The following ACBD6 variants were observed in gnomAD, a reference collection of about 807,000 sequenced individuals.
ACBD6 encodes acyl-CoA binding domain containing 6.
In ACBD6, 28 loss-of-function variants were observed where a neutral mutation model predicts 37.2. The ratio of observed to expected loss-of-function variants is 0.75; its 90% CI spans 0.56 to 1.03. The LOEUF is 1.03. Ranked by LOEUF, ACBD6 falls within the 50% of genes least tolerant of loss-of-function variation. The pLI is 0.00. For missense variants in ACBD6, 340 were observed against 337.4 expected, an observed-to-expected ratio of 1.01 and a Z score of -0.06; for synonymous variants, 113 against 126.8, an observed-to-expected ratio of 0.89 and a Z score of 0.73.
At chr1:180,386,801 G>GT (rs1195318818) in intron 6 of ACBD6, among the ~76,000 whole-genome samples, 8 of 146,956 alleles carry the variant, frequency 5.4e-5, no homozygotes, top group Admixed American at 2.1e-4. Context: ...GAGATTTTCT[G>GT]TTTTTTCCAC....
chr1:180,386,682 T>G (rs1338808251), intron 6 of ACBD6, among the ~76,000 whole-genome samples: 1 of 152,146 alleles, frequency 6.6e-6, no homozygotes, highest in East Asian at 1.9e-4. Flanking sequence ...GATCTTTTTA[T>G]CATTTCCATC....
chr1:180,447,309 AAT>A (rs1322684833), intron 3 of ACBD6, among the ~76,000 whole-genome samples: 28 of 152,316 alleles, frequency 1.8e-4, no homozygotes, highest in African/African-American at 6.5e-4. Context: ...ACACCACAGA[AAT>A]ATGAGATAAT....
chr1:180,471,293 C>T (rs1226901188), intron 3 of ACBD6, among the ~76,000 whole-genome samples: 1 of 150,976 alleles, frequency 6.6e-6, no homozygotes, highest in East Asian at 1.9e-4. Flanking sequence ...ACCAGCTACT[C>T]GAGAAGCTGA....
Position 180,502,432 on chromosome 1 carries a change from C to T in ACBD6, c.-166G>A, listed in dbSNP as rs1652025823. ...CTCACGTGACCCTGCTCCCTGCCCA[C>T]TTCTACTCCCTGGGCGTGCAGAGCA... On this transcript the variant is annotated 5_prime_UTR_variant, in exon 1 of 8. The change creates a new upstream start codon in the 5' untranslated region. Transcript: ENST00000367595. The T allele has an allele frequency of 4.1e-6, 3 of 732,360 alleles. No homozygotes were observed. The highest frequency in any genetic ancestry group is 4.8e-6 in the Non-Finnish European group (2 of 420,356). The allele number at this position is 732,360 out of a possible 1,614,324, so 45.4% of individuals were successfully genotyped here. A position where few individuals can be genotyped will look rare whatever the true frequency, so the allele number is the denominator to read the frequency against.
At position 180,415,225 on chromosome 1, in the gene ACBD6, C is replaced by T. The variant is rs539945578; in HGVS notation, c.468-1754G>A. On this transcript the variant is annotated intron_variant, in intron 4 of 7. Coordinates refer to ENST00000367595, the MANE Select transcript of ACBD6 (RefSeq NM_032360.4). ...TAGCCTGACCAACATGGTGAAACCCCGTTTCTACTAAAAATACACAAATTA... is the reference window on the plus strand; with the variant it reads ...TAGCCTGACCAACATGGTGAAACCCTGTTTCTACTAAAAATACACAAATTA... Among the ~76,000 whole-genome samples the T allele has an allele frequency of 5.9e-5, 9 of 152,048 alleles. No individual in the cohort carries two copies. The East Asian group carries it at 1.4e-3, about 23-fold the overall frequency.
intron 5 of ACBD6, among the ~76,000 whole-genome samples, chr1:180,401,306 T>C (rs1647348687): frequency 1.3e-5 from 2 of 152,198 alleles, no homozygotes; most frequent in South Asian, 4.1e-4. Flanking sequence ...CTAAAGTGCT[T>C]TGAAAGTGCA....
At position 180,417,247 on chromosome 1, in the gene ACBD6, C is replaced by T. The variant is rs1648136852; in HGVS notation, c.468-3776G>A. ...CTAAACTGATCTACCTGAAAGGGTTCCTGTGGCAAATATTTCATTACCATT... is the reference window on the plus strand; with the variant it reads ...CTAAACTGATCTACCTGAAAGGGTTTCTGTGGCAAATATTTCATTACCATT... On this transcript the variant is annotated intron_variant, in intron 4 of 7. Transcript: ENST00000367595. Among the ~76,000 whole-genome samples, 3 of 152,276 alleles carry T rather than the reference C, an allele frequency of 2.0e-5. 1 individual carries two copies. The South Asian group carries it at 6.2e-4, about 32-fold the overall frequency.
At chr1:180,280,109 G>T (rs1459017751) in intron 9 of ACBD6, among the ~76,000 whole-genome samples, 4 of 152,186 alleles carry the variant, frequency 2.6e-5, no homozygotes, top group African/African-American at 9.6e-5. Context: ...GTATTTGGAC[G>T]ACACTGATAT....
intron 5 of ACBD6, among the ~76,000 whole-genome samples, chr1:180,400,801 T>C (rs1647318678): frequency 2.0e-5 from 3 of 152,202 alleles, no homozygotes; most frequent in Admixed American, 2.0e-4. Context: ...CTTTCCTTTC[T>C]CTTTGTTAAC....
intron 6 of ACBD6, among the ~76,000 whole-genome samples, chr1:180,385,022 G>A (rs1311868465): frequency 2.0e-5 from 3 of 152,124 alleles, no homozygotes; most frequent in African/African-American, 7.2e-5. Context: ...GGGAGGTAGT[G>A]ATGAAAAGAG....
rs545650079 is a variant in ACBD6 at position 180,329,711 on chromosome 1, G to C, written c.664-14989C>G. On this transcript the variant is annotated intron_variant, in intron 6 of 7. Transcript: ENST00000367595. ...GGAAGCTTGTATTCAAATAGAATCT[G>C]GAATGACAAGTAAATAAAGCCAACA... Among the ~76,000 whole-genome samples the C allele has an allele frequency of 3.9e-5, 6 of 152,100 alleles. No homozygotes were observed. The South Asian group carries it at 1.2e-3, about 32-fold the overall frequency.
chr1:180,492,448 G>T, intron 2 of ACBD6, 83 bp from the exon 3 acceptor site: 1 of 1,063,172 alleles, frequency 9.4e-7, no homozygotes, highest in Non-Finnish European at 1.5e-6. Flanking sequence ...AAAACTGTAT[G>T]CACATTTCAA....
chr1:180,474,337 C>T (rs1557885696), intron 3 of ACBD6, among the ~76,000 whole-genome samples: 1 of 152,088 alleles, frequency 6.6e-6, no homozygotes, highest in Non-Finnish European at 1.5e-5. Context: ...GAAATTCATA[C>T]TTGCTTTTAA....
At chr1:180,412,486 T>C (rs1021476343) in intron 5 of ACBD6, among the ~76,000 whole-genome samples, 1 of 152,232 alleles carries the variant, frequency 6.6e-6, no homozygotes, top group Non-Finnish European at 1.5e-5. Context: ...AGAAGTGAGT[T>C]AGCAAATTTT....
chr1:180,298,842 T>C (rs1209380764), intron 7 of ACBD6, among the ~76,000 whole-genome samples: 2 of 152,194 alleles, frequency 1.3e-5, no homozygotes, highest in East Asian at 1.9e-4. Context: ...GAGGAAGTTA[T>C]ATAGATAAAA....
intron 6 of ACBD6, among the ~76,000 whole-genome samples, chr1:180,318,443 C>A (rs1003103543): frequency 6.6e-6 from 1 of 151,970 alleles, no homozygotes; most frequent in African/African-American, 2.4e-5. Context: ...TTCCTATATG[C>A]TTTTTGATTC....
intron 3 of ACBD6, among the ~76,000 whole-genome samples, chr1:180,480,710 A>T (rs1462064799): frequency 6.6e-6 from 1 of 152,020 alleles, no homozygotes; most frequent in Non-Finnish European, 1.5e-5. Flanking sequence ...GTTTAACTTT[A>T]AAAAAAATCA....
chr1:180,494,608 G>A (rs1651656204), intron 2 of ACBD6, among the ~76,000 whole-genome samples: 1 of 152,160 alleles, frequency 6.6e-6, no homozygotes, highest in Non-Finnish European at 1.5e-5. Flanking sequence ...ATGTATCCAG[G>A]GGACCAGATT....
At chr1:180,446,020 G>A (rs1184459143) in intron 3 of ACBD6, among the ~76,000 whole-genome samples, 1 of 151,478 alleles carries the variant, frequency 6.6e-6, no homozygotes, top group Admixed American at 6.6e-5. Flanking sequence ...TTTTTTTGGG[G>A]GGGATGGGGT....
Sources: gnomAD v4.1 joint callset for allele counts (sites outside exome capture counted in the v4.1 genomes callset) on GRCh38, gnomAD v4.1.1 for gene constraint, MANE v1.5 for transcripts, NCBI Gene and HGNC (gene_info 2026-07-23, HGNC 2026-07-21) for gene names.